The following TMEM178B variants were observed in gnomAD, a reference collection of about 807,000 sequenced individuals.
TMEM178B encodes transmembrane protein 178B.
A neutral mutation model predicts 31.0 loss-of-function variants in TMEM178B; 5 were observed. The ratio of observed to expected loss-of-function variants is 0.16; its 90% CI spans 0.08 to 0.34. TMEM178B has a LOEUF of 0.34. Ranked by LOEUF, TMEM178B falls within the 10% of genes least tolerant of loss-of-function variation. The pLI is 1.00. For missense variants in TMEM178B, 275 were observed against 400.3 expected (o/e 0.69, Z 2.67); for synonymous variants, 164 against 164.0 (o/e 1.00, Z 0.00).
At chr7:141,449,505 T>C (rs1801823530) in intron 3 of TMEM178B, among the ~76,000 whole-genome samples, 2 of 152,270 alleles carry the variant, frequency 1.3e-5, no homozygotes, top group African/African-American at 4.8e-5. Context: ...TGAGATGTAC[T>C]ACAGGGTCTA....
At chr7:141,082,798 A>G (rs1009246781) in intron 1 of TMEM178B, among the ~76,000 whole-genome samples, 1 of 152,250 alleles carries the variant, frequency 6.6e-6, no homozygotes, top group Non-Finnish European at 1.5e-5. Flanking sequence ...GTGCAGTGGT[A>G]TCAGGTGCTT....
intron 1 of TMEM178B, among the ~76,000 whole-genome samples, chr7:141,085,746 T>A (rs1207621222): frequency 6.6e-6 from 1 of 151,984 alleles, no homozygotes; most frequent in East Asian, 1.9e-4. Flanking sequence ...TGGGCTAGGG[T>A]TGTTTTTACC....
chr7:141,321,710 C>T (rs1799101609), intron 2 of TMEM178B, among the ~76,000 whole-genome samples: 1 of 152,024 alleles, frequency 6.6e-6, no homozygotes, highest in Non-Finnish European at 1.5e-5. Context: ...ACCTTGAGAC[C>T]AGAGCAGAGG....
intron 3 of TMEM178B, among the ~76,000 whole-genome samples, chr7:141,459,238 A>G (rs930991403): frequency 2.8e-4 from 42 of 152,200 alleles, no homozygotes; most frequent in African/African-American, 1.0e-3. Context: ...CATGTTGGTC[A>G]GGCTGGTCTC....
At chr7:141,464,424 G>A (rs1367632068) in intron 3 of TMEM178B, among the ~76,000 whole-genome samples, 2 of 151,944 alleles carry the variant, frequency 1.3e-5, no homozygotes, top group Non-Finnish European at 1.5e-5. Context: ...CACCATTCAG[G>A]GCTGATAACA....
intron 2 of TMEM178B, among the ~76,000 whole-genome samples, chr7:141,365,079 CT>C (rs1411761397): frequency 1.3e-5 from 2 of 152,232 alleles, no homozygotes; most frequent in Non-Finnish European, 2.9e-5. Flanking sequence ...CTTGGGGGGC[CT>C]GTAGGCCCGT....
chr7:141,363,843 T>C (rs968380106), intron 2 of TMEM178B, among the ~76,000 whole-genome samples: 2 of 151,986 alleles, frequency 1.3e-5, no homozygotes, highest in Non-Finnish European at 2.9e-5. Context: ...TGAGCCGTGA[T>C]TGCGCCACTG....
intron 2 of TMEM178B, among the ~76,000 whole-genome samples, chr7:141,310,089 A>C (rs955347022): frequency 6.6e-6 from 1 of 152,212 alleles, no homozygotes; most frequent in Non-Finnish European, 1.5e-5. Flanking sequence ...GACAAATGGG[A>C]TCTAATTAAA....
intron 2 of TMEM178B, among the ~76,000 whole-genome samples, chr7:141,335,552 A>G (rs1799369976): frequency 6.6e-6 from 1 of 152,102 alleles, no homozygotes; most frequent in Non-Finnish European, 1.5e-5. Context: ...GACCACCCAA[A>G]TTCCCCCAGC....
chr7:141,209,947 T>C (rs995202069), intron 1 of TMEM178B, among the ~76,000 whole-genome samples: 1 of 152,124 alleles, frequency 6.6e-6, no homozygotes, highest in Non-Finnish European at 1.5e-5. Context: ...TGGGACTTTA[T>C]GCCTGAGGAG....
chr7:141,200,457 A>C (rs1796858118), intron 1 of TMEM178B, among the ~76,000 whole-genome samples: 1 of 152,038 alleles, frequency 6.6e-6, no homozygotes, highest in Admixed American at 6.6e-5. Flanking sequence ...GTGGAATGAA[A>C]AGTGCTGTGA....
chr7:141,102,930 G>A (rs990483630), intron 1 of TMEM178B, among the ~76,000 whole-genome samples: 3 of 152,172 alleles, frequency 2.0e-5, no homozygotes, highest in African/African-American at 7.2e-5. Flanking sequence ...AATGTGTCCA[G>A]TTAAGTGGCT....
intron 1 of TMEM178B, among the ~76,000 whole-genome samples, chr7:141,121,648 G>T (rs761502081): frequency 1.3e-5 from 2 of 152,090 alleles, no homozygotes; most frequent in African/African-American, 2.4e-5. Context: ...CTTGCCTGAC[G>T]GTTTGATTGG....
intron 2 of TMEM178B, among the ~76,000 whole-genome samples, chr7:141,230,451 T>C (rs941145004): frequency 1.1e-4 from 16 of 152,354 alleles, no homozygotes; most frequent in African/African-American, 3.8e-4. Flanking sequence ...TATCAGCCAC[T>C]TGTACTTCTC....
chr7:141,327,200 AG>A (rs1386306069), intron 2 of TMEM178B, among the ~76,000 whole-genome samples: 1 of 152,220 alleles, frequency 6.6e-6, no homozygotes, highest in Non-Finnish European at 1.5e-5. Context: ...GAGTTTATGA[AG>A]TTTTCTGCCC....
chr7:141,207,919 G>A lies in TMEM178B; in HGVS notation c.383-4672G>A, dbSNP rs57389237. On this transcript the variant is annotated intron_variant, in intron 1 of 3. Coordinates refer to ENST00000565468, the MANE Select transcript of TMEM178B (RefSeq NM_001195278.2). The stretch of plus-strand genomic sequence containing the variant: ...AAAACATAAGAAAAGGCCAGGTGCG[G>A]TGGCTTGTGCCTATAATCCCAGCAA... Among the ~76,000 whole-genome samples, 116 of 152,258 alleles carry A rather than the reference G, an allele frequency of 7.6e-4. 1 individual carries two copies. In the East Asian group the frequency reaches 0.021, roughly 28 times the overall value.
At chr7:141,467,878 C>T (rs1179216410) in intron 3 of TMEM178B, among the ~76,000 whole-genome samples, 2 of 151,868 alleles carry the variant, frequency 1.3e-5, no homozygotes, top group African/African-American at 4.8e-5. Flanking sequence ...TTAAAAATCA[C>T]CTTTCTGCAA....
Position 141,471,371 on chromosome 7 carries a change from A to C in TMEM178B, c.*585A>C, listed in dbSNP as rs145906901. The C allele has an allele frequency of 6.6e-6, 1 of 152,306 alleles. No individual in the cohort carries two copies. Among genetic ancestry groups the C allele is most frequent in the East Asian group, 1.9e-4 (1 of 5,176 alleles). The allele number at this position is 152,306 out of a possible 1,614,324, so 9.4% of individuals were successfully genotyped here. A position where few individuals can be genotyped will look rare whatever the true frequency, so the allele number is the denominator to read the frequency against. ...CTGCCAAACTTTTGGACCATGTTTC[A>C]TAGGTGGGAAGGGAAGAGAACATGC... On this transcript the variant is annotated 3_prime_UTR_variant, in exon 4 of 4. Coordinates refer to ENST00000565468, the MANE Select transcript of TMEM178B (RefSeq NM_001195278.2). The surrounding 1 kb of genome is among the most constrained non-coding windows in gnomAD (Gnocchi z 4.1).
chr7:141,442,295 C>T (rs1801675666), intron 3 of TMEM178B, among the ~76,000 whole-genome samples: 1 of 152,174 alleles, frequency 6.6e-6, no homozygotes, highest in South Asian at 2.1e-4. Context: ...GCTCCATGAT[C>T]TTTTGTCTAG....
Sources: gnomAD v4.1 joint callset for allele counts (sites outside exome capture counted in the v4.1 genomes callset) on GRCh38, gnomAD v4.1.1 for gene constraint, Gnocchi (gnomAD v3.1) non-coding constraint, MANE v1.5 for transcripts, NCBI Gene and HGNC (gene_info 2026-07-23, HGNC 2026-07-21) for gene names.